Variants in RUNX2 observed in about 807,000 individuals in gnomAD.
The protein encoded by RUNX2 is runt-related transcription factor 2.
A neutral mutation model predicts 51.7 loss-of-function variants in RUNX2; 10 were observed. That is an observed-to-expected ratio of 0.19 (90% CI 0.12 to 0.33). The LOEUF (loss-of-function observed/expected upper bound fraction) is 0.33, where lower values mean the gene tolerates loss of function less well. RUNX2 is among the 10% of genes least tolerant of loss of function. RUNX2 has a pLI of 1.00. For synonymous variants in RUNX2, 276 were observed against 273.6 expected, an observed-to-expected ratio of 1.01 and a Z score of -0.09; for missense variants, 562 against 691.3, an observed-to-expected ratio of 0.81 and a Z score of 2.10.
chr6:45,427,206 ACTT>A (rs1227026382), intron 3 of RUNX2, among the ~76,000 whole-genome samples: 1 of 152,056 alleles, frequency 6.6e-6, no homozygotes, highest in Non-Finnish European at 1.5e-5. Context: ...TTTTTAGAAA[ACTT>A]CTATTAAATA....
chr6:45,351,044 TGA>T (rs1255947958), intron 2 of RUNX2, among the ~76,000 whole-genome samples: 7 of 152,256 alleles, frequency 4.6e-5, no homozygotes, highest in African/African-American at 1.7e-4. Context: ...CCTGATGATG[TGA>T]GGTGTAACAG....
intron 2 of RUNX2, among the ~76,000 whole-genome samples, chr6:45,359,553 T>C (rs1793861314): frequency 2.0e-5 from 3 of 152,170 alleles, no homozygotes; most frequent in Admixed American, 2.0e-4. Flanking sequence ...AAAAGTAGGA[T>C]AGACATTTAA....
intron 3 of RUNX2, among the ~76,000 whole-genome samples, chr6:45,428,271 G>A (rs557719271): frequency 6.6e-6 from 1 of 151,966 alleles, no homozygotes; most frequent in Non-Finnish European, 1.5e-5. Context: ...TTTTCTTTTA[G>A]ATAAACACAG....
chr6:45,378,188 T>C (rs983969225), intron 2 of RUNX2, among the ~76,000 whole-genome samples: 1 of 151,964 alleles, frequency 6.6e-6, no homozygotes. Flanking sequence ...CGTTTAGAGC[T>C]GGGGACGCTG....
intron 2 of RUNX2, among the ~76,000 whole-genome samples, chr6:45,384,530 C>T (rs1797309324): frequency 6.6e-6 from 1 of 151,976 alleles, no homozygotes. Context: ...AGTGATCCTC[C>T]CACCTTGGCC....
chr6:45,342,918 G>A (rs533278663), intron 2 of RUNX2, among the ~76,000 whole-genome samples: 67 of 152,194 alleles, frequency 4.4e-4, no homozygotes, highest in African/African-American at 1.4e-3. Context: ...GAAACACAAG[G>A]ACAGCAGGGG....
intron 7 of RUNX2, among the ~76,000 whole-genome samples, chr6:45,533,999 A>T (rs1175877881): frequency 2.1e-5 from 3 of 145,792 alleles, no homozygotes; most frequent in Non-Finnish European, 4.5e-5. Flanking sequence ...GGTTCAAGTG[A>T]TTCTCATGCC....
At chr6:45,527,023 A>G (rs1563124773) in intron 7 of RUNX2, among the ~76,000 whole-genome samples, 1 of 152,240 alleles carries the variant, frequency 6.6e-6, no homozygotes, top group Non-Finnish European at 1.5e-5. Flanking sequence ...GTACTATGAA[A>G]GAAGTAAAAT....
chr6:45,437,577 G>A (rs1798719275), intron 4 of RUNX2, among the ~76,000 whole-genome samples: 1 of 152,126 alleles, frequency 6.6e-6, no homozygotes, highest in Non-Finnish European at 1.5e-5. Context: ...CCTAAATAAA[G>A]ACTTCTAAAA....
At chr6:45,389,265 T>C (rs2150346149) in intron 2 of RUNX2, among the ~76,000 whole-genome samples, 1 of 152,352 alleles carries the variant, frequency 6.6e-6, no homozygotes, top group South Asian at 2.1e-4. Flanking sequence ...TTTTCTACTA[T>C]TATTGTCCCA....
chr6:45,435,994 G>C (rs554589849), intron 4 of RUNX2, among the ~76,000 whole-genome samples: 1 of 152,142 alleles, frequency 6.6e-6, no homozygotes, highest in Non-Finnish European at 1.5e-5. Context: ...TCTGTAACTA[G>C]TTTAGACTCC....
intron 2 of RUNX2, among the ~76,000 whole-genome samples, chr6:45,417,275 A>G (rs1402856417): frequency 6.6e-6 from 1 of 152,180 alleles, no homozygotes; most frequent in African/African-American, 2.4e-5. Context: ...ACTACATGAG[A>G]GTTTCTTCAC....
At chr6:45,442,150 A>T (rs1204027268) in intron 5 of RUNX2, among the ~76,000 whole-genome samples, 1 of 152,260 alleles carries the variant, frequency 6.6e-6, no homozygotes, top group Non-Finnish European at 1.5e-5. Context: ...AACATAGCCG[A>T]TGACTTATTA....
intron 2 of RUNX2, among the ~76,000 whole-genome samples, chr6:45,353,116 G>A (rs1288920099): frequency 6.6e-6 from 1 of 151,986 alleles, no homozygotes; most frequent in African/African-American, 2.4e-5. Flanking sequence ...CTCCAGTGTT[G>A]TTTCAAATAA....
intron 2 of RUNX2, among the ~76,000 whole-genome samples, chr6:45,345,245 A>T (rs1225366511): frequency 6.6e-6 from 1 of 152,214 alleles, no homozygotes; most frequent in East Asian, 1.9e-4. Flanking sequence ...CTTGATTGTT[A>T]AAGACTGTAA....
At chr6:45,365,890 T>C (rs1795056119) in intron 2 of RUNX2, among the ~76,000 whole-genome samples, 1 of 147,896 alleles carries the variant, frequency 6.8e-6, no homozygotes, top group South Asian at 2.1e-4. Flanking sequence ...GCATTATATT[T>C]TATAATCCTA....
chr6:45,519,121 G>A (rs918240919), intron 7 of RUNX2, among the ~76,000 whole-genome samples: 9 of 152,154 alleles, frequency 5.9e-5, no homozygotes, highest in Non-Finnish European at 1.3e-4. Context: ...TTTTAGTAAA[G>A]TTTGCCTTAC....
rs1563133543 is a variant in RUNX2, at chr6:45,546,856, C to T, written c.1117C>T (p.Pro373Ser). ...GASELGPFSD[P>S]RQFPSISSLT... ...TTCAGAACTGGGCCCTTTTTCAGAC[C>T]CCAGGCAGTTCCCAAGCATTTCATC... Residue 373 changes from proline to serine, a missense_variant, in exon 9 of 9, where the codon CCC becomes TCC. Transcript: ENST00000647337. The T allele has an allele frequency of 3.1e-6, 5 of 1,613,564 alleles. No individual in the cohort carries two copies. In the Admixed American group the frequency reaches 5.0e-5, roughly 16 times the overall value.
At chr6:45,380,800 C>T (rs184650002) in intron 2 of RUNX2, among the ~76,000 whole-genome samples, 2,672 of 152,302 alleles carry the variant, frequency 0.018, 50 homozygotes, top group South Asian at 0.085. Flanking sequence ...TGGTCTCAAA[C>T]TCCTGACCTT....
Sources: allele counts gnomAD v4.1 joint callset (sites outside exome capture counted in the v4.1 genomes callset), GRCh38; gene constraint gnomAD v4.1.1; transcripts MANE v1.5; gene names NCBI Gene and HGNC (gene_info 2026-07-23, HGNC 2026-07-21).